Variants in TOX3 observed in about 807,000 individuals in gnomAD.
TOX3 encodes the protein TOX high mobility group box family member 3, also known as CAG trinucleotide repeat-containing gene F9 protein.
In TOX3, 22 loss-of-function variants were observed where a neutral mutation model predicts 64.3. That is an observed-to-expected ratio of 0.34 (90% CI 0.24 to 0.49). The LOEUF is 0.49. TOX3 is among the 20% of genes least tolerant of loss of function. TOX3 has a pLI of 0.99. For missense variants in TOX3, 661 were observed against 714.4 expected (o/e 0.93, Z 0.85); for synonymous variants, 291 against 273.6 (o/e 1.06, Z -0.63).
At chr16:52,444,499 GCA>G (rs200173557) in intron 5 of TOX3, 143 bp from the exon 6 acceptor site, 36,027 of 377,338 alleles carry the variant, frequency 0.095, 645 homozygotes, top group East Asian at 0.13. Context: ...GTTAGCGCAT[GCA>G]CACACACACA....
intron 1 of TOX3, among the ~76,000 whole-genome samples, chr16:52,519,085 A>G (rs1962530212): frequency 1.3e-5 from 2 of 152,200 alleles, no homozygotes; most frequent in Non-Finnish European, 2.9e-5. Flanking sequence ...TGCCAGGAAG[A>G]TCAAAGGGAA....
chr16:52,510,752 C>T (rs1270896180), intron 1 of TOX3, among the ~76,000 whole-genome samples: 6 of 102,558 alleles, frequency 5.9e-5, no homozygotes, highest in Admixed American at 2.4e-4. Context: ...AGAGAAGGAC[C>T]CTGTCTCAAA....
chr16:52,458,729 GT>G, intron 3 of TOX3, among the ~76,000 whole-genome samples: 1 of 152,142 alleles, frequency 6.6e-6, no homozygotes, highest in Non-Finnish European at 1.5e-5. Context: ...ATTCCTATCT[GT>G]TCAGAGTCAG....
chr16:52,455,080 A>C (rs1960476728), intron 3 of TOX3, among the ~76,000 whole-genome samples: 1 of 152,230 alleles, frequency 6.6e-6, no homozygotes, highest in South Asian at 2.1e-4. Flanking sequence ...CCACTATCAT[A>C]ACCAACAATA....
In TOX3 at chr16:52,439,706, C is replaced by T; in HGVS notation, c.1250G>A (p.Ser417Asn). Residue 417 changes from serine to asparagine, a missense_variant, in exon 7 of 7, where the codon AGC becomes AAC. Transcript: ENST00000219746. ...GCCAACCATGGTCGTTCCCATGGAGCTTATCAGTGGAGCCCCAATGTTCGA... is the reference window on the plus strand; with the variant it reads ...GCCAACCATGGTCGTTCCCATGGAGTTTATCAGTGGAGCCCCAATGTTCGA... ...MPSNIGAPLI[S>N]SMGTTMVGSA... is the part of the protein sequence containing the mutation. 4 of 1,613,980 alleles carry T rather than the reference C, an allele frequency of 2.5e-6. No homozygotes were observed. Among genetic ancestry groups the T allele is most frequent in the Non-Finnish European group, 3.4e-6 (4 of 1,179,886 alleles).
intron 6 of TOX3, among the ~76,000 whole-genome samples, 180 bp downstream of exon 6, chr16:52,444,095 AT>A (rs1960087802): frequency 6.6e-6 from 1 of 152,220 alleles, no homozygotes; most frequent in African/African-American, 2.4e-5. Context: ...AGCTGCTTAA[AT>A]TAACTCATAT....
chr16:52,546,693 C>G lies in TOX3; in HGVS notation c.31G>C (p.Gly11Arg). The G allele has an allele frequency of 1.3e-6, 2 of 1,540,676 alleles. No homozygotes were observed. Among genetic ancestry groups the G allele is most frequent in the African/African-American group, 1.4e-5 (1 of 73,136 alleles). The stretch of plus-strand genomic sequence containing the variant: ...GCGAAGTCCAGGCTGGCAGGGTCCC[C>G]GGCCGCCGCGGGGTAGAACCTCACA... MDVRFYPAAAGDPASLDFAQC... is the reference protein window; with the variant it reads MDVRFYPAAARDPASLDFAQC... The change falls in exon 1 of 7, where the codon GGG becomes CGG. Residue 11 changes from glycine to arginine, a missense_variant. By Grantham distance (125) the Gly-to-Arg change is moderately radical. Transcript: ENST00000219746.
chr16:52,440,292 C>A (rs539749989), intron 6 of TOX3, among the ~76,000 whole-genome samples: 1 of 152,178 alleles, frequency 6.6e-6, no homozygotes, highest in Non-Finnish European at 1.5e-5. Flanking sequence ...AATTACCCCC[C>A]TCAAGAGTCA....
chr16:52,507,148 G>A (rs190699287), intron 1 of TOX3, among the ~76,000 whole-genome samples: 11 of 152,274 alleles, frequency 7.2e-5, no homozygotes, highest in East Asian at 1.9e-4. Flanking sequence ...GAACTGGATC[G>A]TGTCTCAGAT....
At chr16:52,501,575 G>A (rs1012027440) in intron 1 of TOX3, among the ~76,000 whole-genome samples, 1 of 151,708 alleles carries the variant, frequency 6.6e-6, no homozygotes. Flanking sequence ...CAGGAGAATC[G>A]CTTGAACCCA....
At chr16:52,461,833 A>G (rs1567318169) in intron 3 of TOX3, among the ~76,000 whole-genome samples, 2 of 152,138 alleles carry the variant, frequency 1.3e-5, no homozygotes, top group Non-Finnish European at 2.9e-5. Flanking sequence ...CAGCCAACTC[A>G]GTACCCGCAG....
At chr16:52,485,093 GTATA>G (rs1353015627) in intron 1 of TOX3, among the ~76,000 whole-genome samples, 1 of 149,046 alleles carries the variant, frequency 6.7e-6, no homozygotes, top group Admixed American at 6.7e-5. Context: ...GTATGTGTGT[GTATA>G]TATATACACA....
rs568242113 is a variant in TOX3, at chr16:52,439,730, G to C, written c.1226C>G (p.Ser409Trp). The change falls in exon 7 of 7, where the codon TCG becomes TGG. Residue 409 changes from serine to tryptophan, a missense_variant. Ser to Trp is a radical substitution (Grantham distance 177). This residue lies in a region of TOX3 where 299 missense variants were observed against 292.1 expected (regional missense o/e 1.02). Coordinates refer to ENST00000219746, the MANE Select transcript of TOX3 (RefSeq NM_001080430.4). ...TSVTIAANMPSNIGAPLISSM... is the reference protein window; with the variant it reads ...TSVTIAANMPWNIGAPLISSM... Reference sequence around the variant, plus strand: ...GCTTATCAGTGGAGCCCCAATGTTCGAGGGCATGTTGGCTGCAATGGTGAC... The same window carrying C: ...GCTTATCAGTGGAGCCCCAATGTTCCAGGGCATGTTGGCTGCAATGGTGAC... The C allele has an allele frequency of 1.9e-6, 3 of 1,613,958 alleles. No individual in the cohort carries two copies. The highest frequency in any genetic ancestry group is 2.2e-5 in the South Asian group (2 of 91,082).
chr16:52,526,275 G>A (rs932343400), intron 1 of TOX3, among the ~76,000 whole-genome samples: 1 of 152,164 alleles, frequency 6.6e-6, no homozygotes, highest in Admixed American at 6.5e-5. Context: ...GAACAGAATA[G>A]CCAAGGCAGG....
intron 6 of TOX3, among the ~76,000 whole-genome samples, chr16:52,440,467 T>C (rs1358385831): frequency 6.6e-6 from 1 of 152,188 alleles, no homozygotes; most frequent in African/African-American, 2.4e-5. Context: ...TAAATGCTCA[T>C]CTTACATCAC....
At chr16:52,488,264 C>T (rs1435671816) in intron 1 of TOX3, among the ~76,000 whole-genome samples, 3 of 152,166 alleles carry the variant, frequency 2.0e-5, no homozygotes, top group East Asian at 1.9e-4. Flanking sequence ...ATCAGTGTCC[C>T]GTGTAAACCA....
chr16:52,454,006 C>T (rs1018326374), intron 3 of TOX3, among the ~76,000 whole-genome samples: 2 of 152,176 alleles, frequency 1.3e-5, no homozygotes, highest in Admixed American at 1.3e-4. Flanking sequence ...GATACTAGTA[C>T]TATACTTATT....
rs116249941 is a variant in TOX3 at position 52,469,211 on chromosome 16, G to A, written c.88-637C>T. Among the ~76,000 whole-genome samples, 1,034 of 152,212 alleles carry A rather than the reference G, an allele frequency of 6.8e-3. 6 individuals are homozygous for A. The highest frequency in any genetic ancestry group is 0.023 in the African/African-American group (970 of 41,530). ...AGTGCAAAGAGGTTTAAAAATAAGC[G>A]GGATCTCATGAACACATCAATTTTT... On this transcript the variant is annotated intron_variant, in intron 1 of 6. Transcript: ENST00000219746.
At chr16:52,469,261 C>CAAA (rs1297435426) in intron 1 of TOX3, among the ~76,000 whole-genome samples, 4 of 152,158 alleles carry the variant, frequency 2.6e-5, no homozygotes, top group Non-Finnish European at 5.9e-5. Context: ...CACAATGGGC[C>CAAA]ATTCATATCA....
Sources: gnomAD v4.1 joint callset for allele counts (sites outside exome capture counted in the v4.1 genomes callset) on GRCh38, gnomAD v4.1.1 for gene constraint, gnomAD v4.1.1 regional missense constraint, MANE v1.5 for transcripts, NCBI Gene and HGNC (gene_info 2026-07-23, HGNC 2026-07-21) for gene names.